The following FANCB variants were observed in gnomAD, a reference collection of about 807,000 sequenced individuals.
The protein encoded by FANCB is Fanconi anemia group B protein.
Under a neutral mutation model 38.9 loss-of-function variants are expected in FANCB, and 5 were observed. The observed-to-expected ratio is 0.13, with a 90% confidence interval of 0.07 to 0.27. FANCB has a LOEUF of 0.27. Among genes scored for constraint, FANCB ranks in the 10% least tolerant of loss-of-function variants. The pLI is 1.00. For synonymous variants in FANCB, 236 were observed against 215.4 expected (o/e 1.10, Z -0.84); for missense variants, 573 against 602.7 (o/e 0.95, Z 0.52).
At chrX:14,704,390 C>A in the FANCB span, among the ~76,000 whole-genome samples, 1 of 111,995 alleles carries the variant, frequency 8.9e-6, no homozygotes, top group Non-Finnish European at 1.9e-5. Context: ...AGATCCTGCA[C>A]AATGGTTTAA....
the FANCB span, among the ~76,000 whole-genome samples, chrX:14,806,136 GA>G: frequency 2.6e-4 from 29 of 111,827 alleles, no homozygotes; most frequent in Non-Finnish European, 3.9e-4. Context: ...TCAAAGGAGG[GA>G]AGTGAGAAAA....
chrX:14,704,873 G>C, the FANCB span, among the ~76,000 whole-genome samples: 2 of 111,570 alleles, frequency 1.8e-5, no homozygotes, highest in African/African-American at 6.5e-5. Context: ...GTCAATATCA[G>C]AAAAAAAGTA....
At chrX:14,786,600 A>G in the FANCB span, among the ~76,000 whole-genome samples, 1 of 111,624 alleles carries the variant, frequency 9.0e-6, no homozygotes, top group Admixed American at 9.5e-5. Context: ...GGCCTGCATG[A>G]CAAGGGAAGG....
At chrX:14,709,599 GAACA>G in the FANCB span, among the ~76,000 whole-genome samples, 1 of 112,222 alleles carries the variant, frequency 8.9e-6, no homozygotes, top group East Asian at 2.8e-4. Context: ...AAGCGACAGT[GAACA>G]AACAAATGGT....
chrX:14,829,833 G>A, the FANCB span, among the ~76,000 whole-genome samples: 39 of 112,268 alleles, frequency 3.5e-4, 2 homozygotes, highest in Non-Finnish European at 1.3e-4. Flanking sequence ...AGATAAGGAC[G>A]TCTTGCTTTC....
rs1485022358 is a variant in FANCB at position 14,844,970 on chromosome X, C to T, written c.1813G>A (p.Glu605Lys). 1.7e-6 allele frequency: 2 copies of T among 1,204,306 alleles called. No homozygotes were observed. The highest frequency in any genetic ancestry group is 2.2e-5 in the Admixed American group (1 of 45,586). ...CTVLLQIMER[E>K]SGNCPKDRYV... Reference sequence around the variant, plus strand: ...CGATCTTTAGGACAGTTACCACTTTCTCTCTCCATAATTTGTAGCAGTACA... The same window carrying T: ...CGATCTTTAGGACAGTTACCACTTTTTCTCTCCATAATTTGTAGCAGTACA... The change falls in exon 8 of 10, where the codon GAA becomes AAA. Residue 605 changes from glutamate (E) to lysine (K), a missense_variant. By Grantham distance (56) the Glu-to-Lys change is moderately conservative. Transcript: ENST00000650831.
At chrX:14,850,959 G>GA (rs1224798784) in intron 6 of FANCB, among the ~76,000 whole-genome samples, 10 of 104,227 alleles carry the variant, frequency 9.6e-5, no homozygotes, top group Admixed American at 4.1e-4. Context: ...AGTCCATTTT[G>GA]AAAAAAAAAA....
the FANCB span, among the ~76,000 whole-genome samples, chrX:14,792,850 T>C: frequency 4.6e-4 from 51 of 111,932 alleles, no homozygotes; most frequent in African/African-American, 1.6e-3. Flanking sequence ...CATCATTCTT[T>C]AGAGGAGATT....
the FANCB span, among the ~76,000 whole-genome samples, chrX:14,700,813 G>GT: frequency 2.2e-4 from 24 of 109,607 alleles, no homozygotes; most frequent in Admixed American, 3.9e-4. Context: ...TTTATTTAGT[G>GT]TTTTTTTTAA....
At chrX:14,782,684 C>G in the FANCB span, among the ~76,000 whole-genome samples, 1 of 112,048 alleles carries the variant, frequency 8.9e-6, no homozygotes, top group Non-Finnish European at 1.9e-5. Flanking sequence ...TTGAAAGCCA[C>G]AGGGAAGAAG....
At chrX:14,749,434 C>T in the FANCB span, among the ~76,000 whole-genome samples, 1 of 110,819 alleles carries the variant, frequency 9.0e-6, no homozygotes, top group Admixed American at 9.6e-5. Flanking sequence ...TGGCAGGATC[C>T]TCCCTTATAT....
the FANCB span, among the ~76,000 whole-genome samples, chrX:14,704,499 A>G: frequency 8.9e-6 from 1 of 112,458 alleles, no homozygotes; most frequent in Non-Finnish European, 1.9e-5. Context: ...CTTCCTTGGC[A>G]TTACATCAGA....
At chrX:14,755,842 A>G in the FANCB span, among the ~76,000 whole-genome samples, 1 of 111,800 alleles carries the variant, frequency 8.9e-6, no homozygotes, top group Non-Finnish European at 1.9e-5. Flanking sequence ...CTGAATAGCC[A>G]AAGCAATTTT....
At chrX:14,734,453 A>G in the FANCB span, among the ~76,000 whole-genome samples, 1 of 111,748 alleles carries the variant, frequency 8.9e-6, no homozygotes, top group Admixed American at 9.5e-5. Context: ...GCTTGTCTGT[A>G]AAGGATTTTA....
the FANCB span, among the ~76,000 whole-genome samples, chrX:14,776,258 A>C: frequency 9.0e-6 from 1 of 111,658 alleles, no homozygotes; most frequent in Admixed American, 9.5e-5. Context: ...TTTCATCAGC[A>C]ATGATAAAGC....
At chrX:14,721,172 C>T in the FANCB span, among the ~76,000 whole-genome samples, 2 of 108,597 alleles carry the variant, frequency 1.8e-5, no homozygotes, top group African/African-American at 6.7e-5. Context: ...ATTTATAATC[C>T]ACTTCATTAG....
At chrX:14,825,730 A>C in the FANCB span, among the ~76,000 whole-genome samples, 1 of 111,928 alleles carries the variant, frequency 8.9e-6, no homozygotes, top group Non-Finnish European at 1.9e-5. Flanking sequence ...ATTGTGTGCC[A>C]GGCACTGTAT....
chrX:14,789,314 G>A, the FANCB span, among the ~76,000 whole-genome samples: 5 of 111,053 alleles, frequency 4.5e-5, no homozygotes, highest in Non-Finnish European at 9.4e-5. Flanking sequence ...GAATAAATTG[G>A]ACAAAGAAAG....
At chrX:14,786,744 A>G in the FANCB span, among the ~76,000 whole-genome samples, 3 of 111,052 alleles carry the variant, frequency 2.7e-5, no homozygotes, top group African/African-American at 9.8e-5. Context: ...AATCATCTCT[A>G]TCAGGCCTCC....
Sources: gnomAD v4.1 joint callset for allele counts (sites outside exome capture counted in the v4.1 genomes callset) on GRCh38, gnomAD v4.1.1 for gene constraint, MANE v1.5 for transcripts, NCBI Gene and HGNC (gene_info 2026-07-23, HGNC 2026-07-21) for gene names.